Variants in BCAR3 observed in about 807,000 individuals in gnomAD.
BCAR3 encodes the protein breast cancer anti-estrogen resistance protein 3.
Under a neutral mutation model 80.1 loss-of-function variants are expected in BCAR3, and 37 were observed. The ratio of observed to expected loss-of-function variants is 0.46; its 90% CI spans 0.36 to 0.61. The LOEUF is 0.61. Ranked by LOEUF, BCAR3 falls within the 20% of genes least tolerant of loss-of-function variation. The pLI is 0.00. For missense variants in BCAR3, 978 were observed against 1,068.2 expected, an observed-to-expected ratio of 0.92 and a Z score of 1.18; for synonymous variants, 389 against 418.9, an observed-to-expected ratio of 0.93 and a Z score of 0.87.
chr1:93,622,819 T>TG (rs1241253328), intron 3 of BCAR3, among the ~76,000 whole-genome samples: 1 of 152,070 alleles, frequency 6.6e-6, no homozygotes, highest in East Asian at 1.9e-4. Flanking sequence ...GGTGCCAAGG[T>TG]GGGGACAATA....
chr1:93,650,324 G>T (rs891193753), intron 2 of BCAR3, among the ~76,000 whole-genome samples: 1 of 152,218 alleles, frequency 6.6e-6, no homozygotes, highest in South Asian at 2.1e-4. Flanking sequence ...GGCAGAGGTT[G>T]CAGTGAGCCG....
chr1:93,749,993 G>A (rs1277991025), intron 2 of BCAR3, among the ~76,000 whole-genome samples: 1 of 151,554 alleles, frequency 6.6e-6, no homozygotes, highest in Non-Finnish European at 1.5e-5. Flanking sequence ...ACCAGAATTG[G>A]TCTCAGTTGA....
chr1:93,597,204 C>A (rs1385429142), intron 3 of BCAR3, among the ~76,000 whole-genome samples: 1 of 152,178 alleles, frequency 6.6e-6, no homozygotes, highest in African/African-American at 2.4e-5. Context: ...ACTCACATGG[C>A]CCCACTTCGA....
chr1:93,732,603 CAAG>C, intron 2 of BCAR3, among the ~76,000 whole-genome samples: 1 of 150,912 alleles, frequency 6.6e-6, no homozygotes, highest in Non-Finnish European at 1.5e-5. Context: ...GGTGACAGAG[CAAG>C]ACCTTGTCTC....
intron 2 of BCAR3, among the ~76,000 whole-genome samples, chr1:93,740,886 C>T (rs1297999708): frequency 1.3e-5 from 2 of 152,212 alleles, no homozygotes; most frequent in Non-Finnish European, 2.9e-5. Flanking sequence ...GCCGAAAGCA[C>T]TGGCTGTGTT....
intron 2 of BCAR3, among the ~76,000 whole-genome samples, chr1:93,822,786 T>C (rs17100397): frequency 0.073 from 11,147 of 151,900 alleles, 470 homozygotes; most frequent in South Asian, 0.092. Context: ...TGAGACAAAG[T>C]TATCTGTAAC....
chr1:93,649,056 C>T (rs1676238154), intron 2 of BCAR3, among the ~76,000 whole-genome samples: 1 of 152,148 alleles, frequency 6.6e-6, no homozygotes, highest in Admixed American at 6.5e-5. Flanking sequence ...AATTAAGATG[C>T]ATAAGAAAGC....
chr1:93,644,553 C>T (rs1171272506), intron 2 of BCAR3, among the ~76,000 whole-genome samples: 7 of 152,186 alleles, frequency 4.6e-5, no homozygotes, highest in Admixed American at 4.6e-4. Context: ...AAGCTGCGCC[C>T]CAACCACCAG....
intron 2 of BCAR3, among the ~76,000 whole-genome samples, chr1:93,731,245 T>C (rs1360195216): frequency 6.6e-6 from 1 of 152,168 alleles, no homozygotes; most frequent in African/African-American, 2.4e-5. Flanking sequence ...GGGAGAAAAC[T>C]AGTGAAATCC....
At chr1:93,694,730 A>G (rs1649324094) in intron 3 of BCAR3, among the ~76,000 whole-genome samples, 1 of 152,180 alleles carries the variant, frequency 6.6e-6, no homozygotes, top group Non-Finnish European at 1.5e-5. Flanking sequence ...CCAATGTTTA[A>G]CAAGAGCCCA....
Position 93,764,232 on chromosome 1 carries a change from C to A in BCAR3, c.-62-58090G>T, listed in dbSNP as rs117331285. On this transcript the variant is annotated intron_variant, in intron 2 of 13. Transcript: ENST00000370244. ...GGTCTGTGTGTCTGCGCTTCTCAAT[C>A]CTCCCACACTTCCAGGGGGCCCATC... Among the ~76,000 whole-genome samples, 78 of 152,092 alleles carry A rather than the reference C, an allele frequency of 5.1e-4. No individual in the cohort carries two copies. The East Asian group carries it at 0.014, about 27-fold the overall frequency.
intron 2 of BCAR3, among the ~76,000 whole-genome samples, chr1:93,788,235 C>G (rs893247763): frequency 6.6e-6 from 1 of 152,024 alleles, no homozygotes; most frequent in African/African-American, 2.4e-5. Flanking sequence ...TCAGTAGATC[C>G]TTGGTTGATG....
At chr1:93,824,213 C>A (rs1189860806) in intron 2 of BCAR3, among the ~76,000 whole-genome samples, 2 of 133,942 alleles carry the variant, frequency 1.5e-5, no homozygotes, top group African/African-American at 2.5e-5. Flanking sequence ...CTACATCTTG[C>A]CTAAAGTGCC....
chr1:93,666,016 C>A (rs1647894139), intron 2 of BCAR3, among the ~76,000 whole-genome samples: 1 of 152,176 alleles, frequency 6.6e-6, no homozygotes, highest in Non-Finnish European at 1.5e-5. Flanking sequence ...CACGCTAGTG[C>A]AGAACCCCAC....
At chr1:93,660,934 T>C (rs1220525833) in intron 2 of BCAR3, among the ~76,000 whole-genome samples, 3 of 151,888 alleles carry the variant, frequency 2.0e-5, no homozygotes, top group East Asian at 1.9e-4. Flanking sequence ...TGGAGTGCAA[T>C]TGCACGATCT....
chr1:93,660,405 A>C (rs1463504456), intron 2 of BCAR3, among the ~76,000 whole-genome samples: 2 of 152,208 alleles, frequency 1.3e-5, no homozygotes, highest in Non-Finnish European at 2.9e-5. Flanking sequence ...GAACATGTTT[A>C]AAATACCAGG....
intron 3 of BCAR3, among the ~76,000 whole-genome samples, chr1:93,691,205 G>C (rs1649173684): frequency 6.6e-6 from 1 of 152,226 alleles, no homozygotes. Context: ...GCCTGAGCCA[G>C]TGTGGGGCTA....
chr1:93,588,430 A>C (rs1674033908), intron 5 of BCAR3, among the ~76,000 whole-genome samples: 1 of 151,612 alleles, frequency 6.6e-6, no homozygotes, highest in Non-Finnish European at 1.5e-5. Flanking sequence ...CCGGTACATC[A>C]CTGTCCATTT....
intron 3 of BCAR3, among the ~76,000 whole-genome samples, chr1:93,639,562 C>T (rs905369531): frequency 4.6e-5 from 7 of 151,368 alleles, no homozygotes; most frequent in African/African-American, 9.7e-5. Flanking sequence ...CTGCAACCTC[C>T]GCCTCCCAGG....
Sources: allele counts gnomAD v4.1 joint callset (sites outside exome capture counted in the v4.1 genomes callset), GRCh38; gene constraint gnomAD v4.1.1; transcripts MANE v1.5; gene names NCBI Gene and HGNC (gene_info 2026-07-23, HGNC 2026-07-21).